PRDM5: variants seen among roughly 807,000 people sequenced by gnomAD.
The protein encoded by PRDM5 is PR/SET domain 5, also known as PR domain zinc finger protein 5.
PRDM5 carries 56 observed loss-of-function variants against 81.2 expected under a neutral mutation model. The ratio of observed to expected loss-of-function variants is 0.69; its 90% CI spans 0.56 to 0.86. PRDM5 has a LOEUF of 0.86. Among genes scored for constraint, PRDM5 ranks in the 40% least tolerant of loss-of-function variants. The pLI, the probability that PRDM5 is intolerant of heterozygous loss-of-function variation, is 0.00. For synonymous variants in PRDM5, 267 were observed against 256.4 expected, an observed-to-expected ratio of 1.04 and a Z score of -0.39; for missense variants, 697 against 770.1, an observed-to-expected ratio of 0.91 and a Z score of 1.12.
At chr4:120,700,233 A>C (rs745995792) in intron 15 of PRDM5, among the ~76,000 whole-genome samples, 21 of 152,176 alleles carry the variant, frequency 1.4e-4, no homozygotes, top group Non-Finnish European at 2.6e-4. Flanking sequence ...TTCAATAAGC[A>C]CTGGGATATT....
chr4:120,750,828 T>G (rs1397262044), intron 14 of PRDM5, among the ~76,000 whole-genome samples: 2 of 152,020 alleles, frequency 1.3e-5, no homozygotes, highest in African/African-American at 4.8e-5. Flanking sequence ...ACAATGAGAT[T>G]CACAGATGGC....
chr4:120,850,369 T>C (rs142167540), intron 3 of PRDM5, among the ~76,000 whole-genome samples: 240 of 152,224 alleles, frequency 1.6e-3, no homozygotes, highest in African/African-American at 5.5e-3. Flanking sequence ...TCCAACCAAT[T>C]AGAAGGCTGA....
At chr4:120,703,252 C>T (rs1232810535) in intron 15 of PRDM5, among the ~76,000 whole-genome samples, 1 of 152,132 alleles carries the variant, frequency 6.6e-6, no homozygotes, top group Non-Finnish European at 1.5e-5. Context: ...GTGGTCTGAT[C>T]ATAGCTCACT....
chr4:120,840,082 G>T (rs142312369), intron 3 of PRDM5, among the ~76,000 whole-genome samples: 20 of 152,346 alleles, frequency 1.3e-4, no homozygotes, highest in Middle Eastern at 3.4e-3. Flanking sequence ...GGTCCACAGC[G>T]CCAACTTGGG....
chr4:120,818,060 C>A, intron 5 of PRDM5: 2 of 282,902 alleles, frequency 7.1e-6, no homozygotes, highest in South Asian at 4.8e-5. Context: ...CAGATTAAAC[C>A]AGTAAGCTTG....
intron 2 of PRDM5, among the ~76,000 whole-genome samples, chr4:120,906,095 C>T (rs1431683963): frequency 6.6e-6 from 1 of 152,106 alleles, no homozygotes; most frequent in African/African-American, 2.4e-5. Context: ...CCTCAACCTC[C>T]TGAGTAGCTG....
In PRDM5 at chr4:120,693,340, GCTGT is replaced by G. The variant is rs1458289452; in HGVS notation, c.*1767_*1770del. ...ATAATACACACTATCAAATTTTACA[GCTGT>G]CTTTTTATATTCAAATGATATTAAA... is the stretch of plus-strand genomic sequence containing the variant. On this transcript the variant is annotated 3_prime_UTR_variant, in exon 16 of 16. Coordinates refer to ENST00000264808, the MANE Select transcript of PRDM5 (RefSeq NM_018699.4). The G allele has an allele frequency of 6.6e-6, 1 of 151,980 alleles. No individual in the cohort carries two copies. Among genetic ancestry groups the G allele is most frequent in the Non-Finnish European group, 1.5e-5 (1 of 67,994 alleles). The allele number at this position is 151,980 out of a possible 1,614,324, so 9.4% of individuals were successfully genotyped here.
intron 3 of PRDM5, among the ~76,000 whole-genome samples, chr4:120,846,232 C>A (rs1758635966): frequency 6.6e-6 from 1 of 152,200 alleles, no homozygotes; most frequent in African/African-American, 2.4e-5. Context: ...AGACTGACTC[C>A]AATTTTTAAA....
chr4:120,911,524 CTT>C (rs1766509011), intron 1 of PRDM5, among the ~76,000 whole-genome samples: 1 of 152,138 alleles, frequency 6.6e-6, no homozygotes, highest in South Asian at 2.1e-4. Context: ...TAGACAGTAA[CTT>C]TTAATAAACA....
intron 14 of PRDM5, among the ~76,000 whole-genome samples, chr4:120,711,484 A>C: frequency 9.0e-6 from 1 of 110,812 alleles, no homozygotes; most frequent in Admixed American, 9.1e-5. Context: ...TTTTTTTTGT[A>C]TTTTTAGTAG....
At chr4:120,922,399 G>A in intron 1 of PRDM5, 117 bp downstream of exon 1, 1 of 1,151,682 alleles carries the variant, frequency 8.7e-7, no homozygotes, top group Non-Finnish European at 1.1e-6. Context: ...GGCCCGGCCC[G>A]GGCGAGGGGC....
intron 11 of PRDM5, among the ~76,000 whole-genome samples, chr4:120,781,601 G>A (rs1257076626): frequency 6.6e-6 from 1 of 152,086 alleles, no homozygotes; most frequent in African/African-American, 2.4e-5. Flanking sequence ...CTACAGCGGG[G>A]GCTGGGATTT....
intron 15 of PRDM5, among the ~76,000 whole-genome samples, chr4:120,704,841 G>A (rs1389516784): frequency 6.6e-6 from 1 of 152,124 alleles, no homozygotes; most frequent in Non-Finnish European, 1.5e-5. Context: ...TGACAGGGAG[G>A]GGGAAGAAGA....
At chr4:120,768,512 T>G (rs976850655) in intron 13 of PRDM5, among the ~76,000 whole-genome samples, 2 of 152,182 alleles carry the variant, frequency 1.3e-5, no homozygotes, top group African/African-American at 4.8e-5. Flanking sequence ...CATGGGAAAC[T>G]GATAAGCAAA....
chr4:120,685,232 A>G (rs1259055995), intron 1 of PRDM5, among the ~76,000 whole-genome samples: 1 of 151,990 alleles, frequency 6.6e-6, no homozygotes, highest in Admixed American at 6.6e-5. Context: ...AATTTTGTTA[A>G]TAAGGAGGTA....
At chr4:120,863,708 AG>A (rs1760893255) in intron 2 of PRDM5, among the ~76,000 whole-genome samples, 1 of 152,224 alleles carries the variant, frequency 6.6e-6, no homozygotes, top group African/African-American at 2.4e-5. Context: ...CGATCAAATA[AG>A]GAAGAATATT....
intron 7 of PRDM5, among the ~76,000 whole-genome samples, chr4:120,815,498 C>T (rs1412259648): frequency 1.3e-5 from 2 of 152,158 alleles, no homozygotes; most frequent in Admixed American, 6.5e-5. Context: ...TCACGCTAGC[C>T]TCTATAACTG....
At chr4:120,817,041 C>A in intron 5 of PRDM5, 117 bp from the exon 6 acceptor site, 1 of 893,368 alleles carries the variant, frequency 1.1e-6, no homozygotes. Context: ...TTTTCATTGT[C>A]TTTTGCCTTT....
rs546230820 is a variant in PRDM5, at chr4:120,781,394, T to C, written c.1283-91A>G. The C allele has an allele frequency of 1.9e-4, 228 of 1,180,198 alleles. No individual in the cohort carries two copies. In the African/African-American group the frequency reaches 3.0e-3, roughly 15 times the overall value. 73.1% of individuals were successfully genotyped at this position (1,180,198 alleles called of 1,614,324 possible). A position where few individuals can be genotyped will look rare whatever the true frequency, so the allele number is the denominator to read the frequency against. On this transcript the variant is annotated intron_variant, in intron 11 of 15. Coordinates refer to ENST00000264808, the MANE Select transcript of PRDM5 (RefSeq NM_018699.4). ...CCAGACTTAGTTGCTTTCTCCAAAA[T>C]GTTGGCTTTGTAGCTCTAAGAATGT...
Sources: allele counts gnomAD v4.1 joint callset (sites outside exome capture counted in the v4.1 genomes callset), GRCh38; gene constraint gnomAD v4.1.1; transcripts MANE v1.5; gene names NCBI Gene and HGNC (gene_info 2026-07-23, HGNC 2026-07-21).